EHD2: variants seen among roughly 807,000 people sequenced by gnomAD.
EHD2 encodes the protein EH domain containing 2.
EHD2 carries 27 observed loss-of-function variants against 41.0 expected under a neutral mutation model. The observed-to-expected ratio is 0.66, with a 90% CI of 0.49 to 0.91. The LOEUF (loss-of-function observed/expected upper bound fraction) is 0.91, where lower values mean the gene tolerates loss of function less well. Among genes scored for constraint, EHD2 ranks in the 40% least tolerant of loss-of-function variants. The probability of loss-of-function intolerance (pLI) is 0.00; values close to 1 mark genes in which losing one functional copy is unlikely to be tolerated. For missense variants in EHD2, 673 were observed against 773.9 expected, an observed-to-expected ratio of 0.87 and a Z score of 1.55; for synonymous variants, 342 against 341.0, an observed-to-expected ratio of 1.00 and a Z score of -0.03.
chr19:47,718,386 G>T, intron 2 of EHD2, 123 bp from the exon 3 acceptor site: 1 of 767,132 alleles, frequency 1.3e-6, no homozygotes, highest in East Asian at 2.9e-5. Flanking sequence ...TTTCTGTCCG[G>T]TGTCTTTCTT....
chr19:47,715,234 G>A (rs913802284), intron 1 of EHD2, among the ~76,000 whole-genome samples: 1 of 151,910 alleles, frequency 6.6e-6, no homozygotes, highest in Non-Finnish European at 1.5e-5. Flanking sequence ...TGACCTGGGT[G>A]CACCCAGGCA....
intron 2 of EHD2, among the ~76,000 whole-genome samples, chr19:47,717,660 G>A (rs946370711): frequency 1.3e-5 from 2 of 151,774 alleles, no homozygotes; most frequent in African/African-American, 2.4e-5. Flanking sequence ...TAATCCCAGC[G>A]CTTTGGGAGG....
rs372156915 is a variant in EHD2 at position 47,736,321 on chromosome 19, C to G, written c.916-48C>G. ...GGCCTGCAGCCTGTGTTTTAACAAG[C>G]TCCCTGGTGGACCCTGATGCAGGCT... On this transcript the variant is annotated intron_variant, in intron 4 of 5. Transcript: ENST00000263277. The G allele has an allele frequency of 6.1e-5, 95 of 1,551,934 alleles. No individual in the cohort carries two copies. In the African/African-American group the frequency reaches 1.2e-3, roughly 20 times the overall value.
chr19:47,713,925 C>T (rs1197684950), intron 1 of EHD2, among the ~76,000 whole-genome samples: 2 of 151,994 alleles, frequency 1.3e-5, no homozygotes, highest in African/African-American at 2.4e-5. Context: ...CCAGCTCCAT[C>T]GGCCACCGCT....
At chr19:47,722,232 C>G (rs1386386525) in intron 3 of EHD2, among the ~76,000 whole-genome samples, 2 of 152,072 alleles carry the variant, frequency 1.3e-5, no homozygotes, top group East Asian at 3.9e-4. Flanking sequence ...TCCTTTTTGC[C>G]ACGTCTCCCA....
chr19:47,736,411 T>C lies in EHD2; in HGVS notation c.958T>C (p.Ser320Pro). ...CAGCTACCTGAAGAAGGAGATGCCC[T>C]CTGTGTTTGGGAAGGAGAACAAGAA... ...IISYLKKEMP[S>P]VFGKENKKKQ... The change falls in exon 5 of 6, where the codon TCT becomes CCT. Residue 320 changes from serine (S) to proline (P), a missense_variant. By Grantham distance (74) the Ser-to-Pro change is moderately conservative (BLOSUM62 -1). Coordinates refer to ENST00000263277, the MANE Select transcript of EHD2 (RefSeq NM_014601.4). 1 of 1,613,380 alleles carries C rather than the reference T, an allele frequency of 6.2e-7. No individual in the cohort carries two copies. Among genetic ancestry groups the C allele is most frequent in the Non-Finnish European group, 8.5e-7 (1 of 1,179,740 alleles).
At chr19:47,717,293 C>T (rs1384666825) in intron 2 of EHD2, among the ~76,000 whole-genome samples, 2 of 152,104 alleles carry the variant, frequency 1.3e-5, no homozygotes, top group Non-Finnish European at 2.9e-5. Context: ...AAGTGATCCA[C>T]CTGCCTCAGC....
At chr19:47,718,009 A>G (rs1973648475) in intron 2 of EHD2, among the ~76,000 whole-genome samples, 1 of 150,334 alleles carries the variant, frequency 6.7e-6, no homozygotes. Flanking sequence ...GCAGTGTCTC[A>G]CGCCTGTAAT....
intron 4 of EHD2, among the ~76,000 whole-genome samples, chr19:47,731,008 C>T (rs893323095): frequency 2.0e-5 from 3 of 151,054 alleles, no homozygotes; most frequent in Non-Finnish European, 4.4e-5. Flanking sequence ...GAGGGGCTGG[C>T]GAGGGACTAT....
chr19:47,739,474 G>A (rs368482133), intron 5 of EHD2, among the ~76,000 whole-genome samples: 40 of 149,714 alleles, frequency 2.7e-4, no homozygotes, highest in African/African-American at 8.6e-4. Flanking sequence ...GGTGGTAGGC[G>A]CCTGTAATCC....
chr19:47,738,319 T>C (rs1966946752), intron 5 of EHD2, among the ~76,000 whole-genome samples: 1 of 152,090 alleles, frequency 6.6e-6, no homozygotes, highest in Non-Finnish European at 1.5e-5. Flanking sequence ...TTCTTTTTTT[T>C]TGAGATGGAG....
In EHD2 at chr19:47,716,712, C is replaced by G; in HGVS notation, c.100C>G (p.Leu34Val). 6.2e-7 allele frequency: 1 copy of G among 1,612,960 alleles called. No homozygotes were observed. Among genetic ancestry groups the G allele is most frequent in the Non-Finnish European group, 8.5e-7 (1 of 1,179,622 alleles). Residue 34 changes from leucine (L) to valine (V), a missense_variant, in exon 2 of 6, where the codon CTG becomes GTG. Leu to Val is a conservative substitution (Grantham distance 32). Transcript: ENST00000263277. ...CAAGGAGCTGTACCGCACGAAGCTG[C>G]TGCCGCTGGAGGAGCACTACCGCTT... is the stretch of plus-strand genomic sequence containing the variant. ...ALKELYRTKL[L>V]PLEEHYRFGA... is the part of the protein sequence containing the mutation.
intron 4 of EHD2, among the ~76,000 whole-genome samples, chr19:47,726,836 G>A (rs975015674): frequency 6.6e-6 from 1 of 152,000 alleles, no homozygotes; most frequent in African/African-American, 2.4e-5. Flanking sequence ...GTGTCACCAC[G>A]CCCAGCTAAT....
chr19:47,736,496 T>C lies in EHD2; in HGVS notation c.1043T>C (p.Ile348Thr). The C allele has an allele frequency of 6.2e-7, 1 of 1,611,044 alleles. No individual in the cohort carries two copies. The highest frequency in any genetic ancestry group is 8.5e-7 in the Non-Finnish European group (1 of 1,178,760). Reference sequence around the variant, plus strand: ...GCGAAGATTCAGCTGGAACATCACATCTCCCCTGGGGACTTTCCTGATTGC... The same window carrying C: ...GCGAAGATTCAGCTGGAACATCACACCTCCCCTGGGGACTTTCCTGATTGC... Reference protein sequence around the residue: ...IFAKIQLEHHISPGDFPDCQK... With the variant: ...IFAKIQLEHHTSPGDFPDCQK... The change falls in exon 5 of 6, where the codon ATC (isoleucine) becomes ACC (threonine). Residue 348 changes from isoleucine to threonine, a missense_variant. Physicochemically the swap from Ile to Thr is moderately conservative, Grantham distance 89 (BLOSUM62 -1). Transcript: ENST00000263277.
At chr19:47,730,527 C>T (rs2123651022) in intron 4 of EHD2, among the ~76,000 whole-genome samples, 1 of 152,270 alleles carries the variant, frequency 6.6e-6, no homozygotes, top group East Asian at 1.9e-4. Context: ...ATGAGTCCGC[C>T]ACACTTGGTC....
In EHD2 at chr19:47,719,472, C is replaced by A. The variant is rs1323944888; in HGVS notation, c.502+866C>A. Reference sequence around the variant, plus strand: ...GCCGGGGCCTCCGGGCGTGCTGAGCCCTCACCACCCCTGCCCAGCCCAGCT... The same window carrying A: ...GCCGGGGCCTCCGGGCGTGCTGAGCACTCACCACCCCTGCCCAGCCCAGCT... On this transcript the variant is annotated intron_variant, in intron 3 of 5. Transcript: ENST00000263277. The surrounding 1 kb of genome is among the most constrained non-coding windows in gnomAD (Gnocchi z 4.1). Among the ~76,000 whole-genome samples, 1 of 152,102 alleles carries A rather than the reference C, an allele frequency of 6.6e-6. No homozygotes were observed. Among genetic ancestry groups the A allele is most frequent in the Non-Finnish European group, 1.5e-5 (1 of 67,992 alleles).
intron 4 of EHD2, among the ~76,000 whole-genome samples, chr19:47,730,857 C>T (rs931810500): frequency 1.2e-4 from 18 of 152,210 alleles, no homozygotes; most frequent in African/African-American, 3.4e-4. Flanking sequence ...CAGCAGTTGC[C>T]GATCGCATGT....
At chr19:47,714,545 A>G (rs1422581094) in intron 1 of EHD2, among the ~76,000 whole-genome samples, 1 of 152,176 alleles carries the variant, frequency 6.6e-6, no homozygotes, top group East Asian at 1.9e-4. Context: ...TAGAGAACAC[A>G]GTCTGGGTGC....
intron 3 of EHD2, among the ~76,000 whole-genome samples, chr19:47,724,672 A>G (rs1163170429): frequency 6.6e-6 from 1 of 152,146 alleles, no homozygotes; most frequent in Non-Finnish European, 1.5e-5. Flanking sequence ...TAAGAGCAAG[A>G]ATCTTGTCTG....
Sources: gnomAD v4.1 joint callset for allele counts (sites outside exome capture counted in the v4.1 genomes callset) on GRCh38, gnomAD v4.1.1 for gene constraint, Gnocchi (gnomAD v3.1) non-coding constraint, MANE v1.5 for transcripts, NCBI Gene and HGNC (gene_info 2026-07-23, HGNC 2026-07-21) for gene names.